TENM2: variants seen among roughly 807,000 people sequenced by gnomAD.
TENM2 encodes teneurin-2.
A neutral mutation model predicts 245.2 loss-of-function variants in TENM2; 52 were observed. The ratio of observed to expected loss-of-function variants is 0.21; its 90% CI spans 0.17 to 0.27. The LOEUF (loss-of-function observed/expected upper bound fraction) is 0.27, where lower values mean the gene tolerates loss of function less well. TENM2 is among the 10% of genes least tolerant of loss of function. The pLI is 1.00. For missense variants in TENM2, 3,046 were observed against 3,666.8 expected, an observed-to-expected ratio of 0.83 and a Z score of 4.37; for synonymous variants, 1,363 against 1,438.9, an observed-to-expected ratio of 0.95 and a Z score of 1.19.
At chr5:168,048,905 G>A (rs541306344) in intron 6 of TENM2, among the ~76,000 whole-genome samples, 81 of 152,258 alleles carry the variant, frequency 5.3e-4, no homozygotes, top group African/African-American at 1.8e-3. Flanking sequence ...CCATAATCGG[G>A]TAAGTTAAAC....
the TENM2 span, among the ~76,000 whole-genome samples, chr5:167,088,308 A>G: frequency 2.0e-5 from 3 of 152,164 alleles, no homozygotes; most frequent in African/African-American, 4.8e-5. Flanking sequence ...CATGGAGAAC[A>G]TACAATGTCT....
chr5:167,468,541 A>G (rs1306249270), intron 2 of TENM2, among the ~76,000 whole-genome samples: 3 of 152,316 alleles, frequency 2.0e-5, no homozygotes, highest in African/African-American at 2.4e-5. Flanking sequence ...TAATGTGCCT[A>G]TGAGGGCATC....
chr5:167,796,716 T>C (rs1765347437), intron 2 of TENM2, among the ~76,000 whole-genome samples: 1 of 152,108 alleles, frequency 6.6e-6, no homozygotes, highest in South Asian at 2.1e-4. Flanking sequence ...CCATATCTTC[T>C]TCGTAGGAGA....
intron 1 of TENM2, among the ~76,000 whole-genome samples, chr5:167,359,337 A>G (rs1759554603): frequency 6.6e-6 from 1 of 152,298 alleles, no homozygotes; most frequent in East Asian, 1.9e-4. Flanking sequence ...AGAATGTGCC[A>G]GGCATGCTCC....
intron 2 of TENM2, among the ~76,000 whole-genome samples, chr5:167,554,075 C>T (rs1773116698): frequency 6.6e-6 from 1 of 152,156 alleles, no homozygotes; most frequent in East Asian, 1.9e-4. Context: ...TAGGCTTTCC[C>T]CTGGCACAAT....
chr5:168,033,896 G>A (rs901137396), intron 5 of TENM2, among the ~76,000 whole-genome samples: 1 of 151,730 alleles, frequency 6.6e-6, no homozygotes, highest in East Asian at 1.9e-4. Context: ...GTGTGGTTGT[G>A]GGCACCTATA....
intron 25 of TENM2, among the ~76,000 whole-genome samples, chr5:168,242,192 C>A (rs999372025): frequency 6.6e-6 from 1 of 152,226 alleles, no homozygotes; most frequent in Non-Finnish European, 1.5e-5. Context: ...CAACCACTTA[C>A]ATCTTGTTGG....
the TENM2 span, among the ~76,000 whole-genome samples, chr5:167,274,332 T>C: frequency 1.3e-5 from 2 of 152,184 alleles, no homozygotes; most frequent in Admixed American, 6.6e-5. Flanking sequence ...TGTGTATCTC[T>C]AGTGCATTCC....
intron 2 of TENM2, among the ~76,000 whole-genome samples, chr5:167,621,361 A>G (rs570103256): frequency 6.6e-6 from 1 of 152,264 alleles, no homozygotes; most frequent in Non-Finnish European, 1.5e-5. Context: ...TTTGAGCTGA[A>G]ATCTAAATGA....
chr5:167,062,436 A>C, the TENM2 span, among the ~76,000 whole-genome samples: 16 of 152,274 alleles, frequency 1.1e-4, no homozygotes, highest in African/African-American at 3.6e-4. Flanking sequence ...AAAGAAACAT[A>C]AAAAAGAACT....
At chr5:168,106,176 A>T (rs1232518675) in intron 9 of TENM2, among the ~76,000 whole-genome samples, 1 of 152,170 alleles carries the variant, frequency 6.6e-6, no homozygotes, top group East Asian at 1.9e-4. Context: ...AAATGCCACA[A>T]CCACGGGAAC....
chr5:167,229,785 G>C, the TENM2 span, among the ~76,000 whole-genome samples: 1 of 152,162 alleles, frequency 6.6e-6, no homozygotes, highest in Admixed American at 6.5e-5. Flanking sequence ...TGCCAAGATG[G>C]GGTGAGCCCC....
intron 3 of TENM2, among the ~76,000 whole-genome samples, chr5:167,934,646 T>C (rs1330604070): frequency 1.3e-5 from 2 of 152,154 alleles, no homozygotes; most frequent in African/African-American, 4.8e-5. Context: ...TCGAGAGCCT[T>C]TGGGTATTAA....
chr5:167,882,731 G>A (rs541958466), intron 3 of TENM2, among the ~76,000 whole-genome samples: 4 of 152,228 alleles, frequency 2.6e-5, no homozygotes, highest in African/African-American at 9.6e-5. Flanking sequence ...ACAGCATGGG[G>A]GAAACTGCCC....
chr5:167,815,361 T>C (rs1766963059), intron 2 of TENM2, among the ~76,000 whole-genome samples: 1 of 152,118 alleles, frequency 6.6e-6, no homozygotes. Flanking sequence ...CTACCAAGTC[T>C]TCAGTATCTT....
At chr5:167,879,806 C>T (rs553162169) in intron 3 of TENM2, among the ~76,000 whole-genome samples, 3 of 152,122 alleles carry the variant, frequency 2.0e-5, no homozygotes, top group Non-Finnish European at 4.4e-5. Flanking sequence ...AGAGCTGTCC[C>T]AGTCAGAGAG....
the TENM2 span, among the ~76,000 whole-genome samples, chr5:167,210,483 G>A: frequency 0.034 from 4,472 of 129,978 alleles, 222 homozygotes; most frequent in African/African-American, 0.12. Context: ...TTGAGACGGA[G>A]TCTTGCTCTG....
Position 168,114,437 on chromosome 5 carries a change from T to G in TENM2, c.1814-3855T>G, listed in dbSNP as rs1426766880. The stretch of plus-strand genomic sequence containing the variant: ...AATGCAGCTTGCATGATAGTAAAAA[T>G]ATAAGACTTATTAATACAGGAGGTT... On this transcript the variant is annotated intron_variant, in intron 9 of 28. Transcript: ENST00000518659. 3.3e-5 allele frequency among the ~76,000 whole-genome samples: 5 copies of G among 152,264 alleles called. No homozygotes were observed. The East Asian group carries it at 9.6e-4, about 29-fold the overall frequency.
chr5:167,904,883 C>T (rs1037227413), intron 3 of TENM2, among the ~76,000 whole-genome samples: 5 of 152,174 alleles, frequency 3.3e-5, no homozygotes, highest in African/African-American at 1.2e-4. Flanking sequence ...CAGTTGGTCA[C>T]TTTGACTTTA....
Sources: allele counts gnomAD v4.1 joint callset (sites outside exome capture counted in the v4.1 genomes callset), GRCh38; gene constraint gnomAD v4.1.1; transcripts MANE v1.5; gene names NCBI Gene and HGNC (gene_info 2026-07-23, HGNC 2026-07-21).